Variants in MMRN1 observed in about 807,000 individuals in gnomAD.
The protein encoded by MMRN1 is multimerin-1.
A neutral mutation model predicts 100.7 loss-of-function variants in MMRN1; 94 were observed. That is an observed-to-expected ratio of 0.93 (90% CI 0.79 to 1.11). The LOEUF (loss-of-function observed/expected upper bound fraction) is 1.11, where lower values mean the gene tolerates loss of function less well. Ranked by LOEUF, MMRN1 falls within the 50% of genes least tolerant of loss-of-function variation. MMRN1 has a pLI of 0.00. For synonymous variants in MMRN1, 575 were observed against 505.0 expected, an observed-to-expected ratio of 1.14 and a Z score of -1.86; for missense variants, 1,606 against 1,439.1, an observed-to-expected ratio of 1.12 and a Z score of -1.88.
At chr4:89,933,496 G>A (rs1237224821) in intron 5 of MMRN1, among the ~76,000 whole-genome samples, 2 of 152,106 alleles carry the variant, frequency 1.3e-5, no homozygotes, top group Non-Finnish European at 2.9e-5. Context: ...ATGCAGCTAT[G>A]AAATAGCTGG....
Position 89,936,128 on chromosome 4 carries a change from T to C in MMRN1, c.2448T>C (p.Asn816=), listed in dbSNP as rs1560595233. ...LAGIPRDEKL[N]QSNFQKMYQM... ...GTATTCCCAGAGATGAGAAACTAAA[T>C]CAGTCCAACTTCCAAAAGATGTATC... Residue 816 remains asparagine (N), a synonymous_variant, in exon 6 of 8, where the codon AAT becomes AAC. Transcript: ENST00000264790. 7 of 1,612,600 alleles carry C rather than the reference T, an allele frequency of 4.3e-6. No individual in the cohort carries two copies. The highest frequency in any genetic ancestry group is 5.1e-6 in the Non-Finnish European group (6 of 1,179,586).
At chr4:89,945,168 C>G (rs116188142) in intron 6 of MMRN1, among the ~76,000 whole-genome samples, 2,514 of 152,242 alleles carry the variant, frequency 0.017, 76 homozygotes, top group African/African-American at 0.057. Context: ...GAGATTCATC[C>G]ATGTTCTTGC....
intron 3 of MMRN1, among the ~76,000 whole-genome samples, chr4:89,916,047 C>G (rs1721901912): frequency 6.6e-6 from 1 of 151,636 alleles, no homozygotes; most frequent in Non-Finnish European, 1.5e-5. Flanking sequence ...CAACGAGGCT[C>G]TTTATCACAA....
At position 89,935,775 on chromosome 4, in the gene MMRN1, C is replaced by T. The variant is rs61746242; in HGVS notation, c.2095C>T (p.His699Tyr). 8.6e-4 allele frequency: 1,391 copies of T among 1,612,726 alleles called. 3 individuals are homozygous for T. The highest frequency in any genetic ancestry group is 1.1e-3 in the Non-Finnish European group (1,276 of 1,179,536). The change falls in exon 6 of 8, where the codon CAC (histidine) becomes TAC (tyrosine). Residue 699 changes from histidine (H) to tyrosine (Y), a missense_variant. By Grantham distance (83) the His-to-Tyr change is moderately conservative (BLOSUM62 2). Coordinates refer to ENST00000264790, the MANE Select transcript of MMRN1 (RefSeq NM_007351.3). ...NFIIKELTKRHNLLRNEVQGR... is the reference protein window; with the variant it reads ...NFIIKELTKRYNLLRNEVQGR... ...TATTATCAAAGAACTTACAAAAAGA[C>T]ACAACTTACTTAGAAATGAAGTACA...
rs1560589386 is a variant in MMRN1 at position 89,923,231 on chromosome 4, G to A, written c.914G>A (p.Gly305Glu). The part of the protein sequence containing the change: ...QAESHTAVGR[G>E]VAEQQQQQGC... ...GAAAGTCATACAGCTGTTGGCAGAGGAGTAGCTGAGCAGCAGCAGCAGCAA... is the reference window on the plus strand; with the variant it reads ...GAAAGTCATACAGCTGTTGGCAGAGAAGTAGCTGAGCAGCAGCAGCAGCAA... The change falls in exon 4 of 8, where the codon GGA becomes GAA. Residue 305 changes from glycine to glutamate, a missense_variant. Coordinates refer to ENST00000264790, the MANE Select transcript of MMRN1 (RefSeq NM_007351.3). The A allele has an allele frequency of 2.5e-5, 40 of 1,613,984 alleles. No individual in the cohort carries two copies. Among genetic ancestry groups the A allele is most frequent in the Non-Finnish European group, 3.2e-5 (38 of 1,179,858 alleles).
chr4:89,931,246 TG>T (rs1164133525), intron 5 of MMRN1, among the ~76,000 whole-genome samples: 1 of 152,200 alleles, frequency 6.6e-6, no homozygotes, highest in Non-Finnish European at 1.5e-5. Flanking sequence ...GCTTCGTTTT[TG>T]TACAAAATTG....
chr4:89,940,637 C>A (rs1722794044), intron 6 of MMRN1, among the ~76,000 whole-genome samples: 1 of 151,986 alleles, frequency 6.6e-6, no homozygotes, highest in Admixed American at 6.6e-5. Context: ...TGTAATAAGT[C>A]ATTTATTTTT....
chr4:89,928,538 T>C (rs1722337996), intron 5 of MMRN1, among the ~76,000 whole-genome samples: 1 of 152,182 alleles, frequency 6.6e-6, no homozygotes, highest in Non-Finnish European at 1.5e-5. Context: ...AAGCAGGCTA[T>C]GTTTCTTTCT....
At chr4:89,938,061 G>T (rs75105723) in intron 6 of MMRN1, among the ~76,000 whole-genome samples, 3,435 of 151,748 alleles carry the variant, frequency 0.023, 118 homozygotes, top group African/African-American at 0.077. Context: ...TATGAATTTT[G>T]TACTTTATTT....
chr4:89,910,684 G>A (rs943642698), intron 2 of MMRN1, among the ~76,000 whole-genome samples: 1 of 151,420 alleles, frequency 6.6e-6, no homozygotes, highest in Non-Finnish European at 1.5e-5. Context: ...CTATGAGAGT[G>A]CAGATAGTAT....
intron 6 of MMRN1, among the ~76,000 whole-genome samples, chr4:89,949,986 G>A (rs1306128236): frequency 6.6e-6 from 1 of 152,204 alleles, no homozygotes; most frequent in Non-Finnish European, 1.5e-5. Flanking sequence ...GGTGGCACCA[G>A]AGTAACTGTG....
At chr4:89,899,742 G>C (rs28452793) in intron 1 of MMRN1, among the ~76,000 whole-genome samples, 1 of 151,922 alleles carries the variant, frequency 6.6e-6, no homozygotes, top group Non-Finnish European at 1.5e-5. Flanking sequence ...TAGATCTTTG[G>C]CATTTTTCTC....
intron 3 of MMRN1, among the ~76,000 whole-genome samples, chr4:89,913,285 T>G (rs1721812344): frequency 6.6e-6 from 1 of 151,344 alleles, no homozygotes; most frequent in Non-Finnish European, 1.5e-5. Context: ...ATCATGAGAT[T>G]ATTAATTCCA....
At chr4:89,923,617 C>T (rs890246050) in intron 4 of MMRN1, among the ~76,000 whole-genome samples, 8 of 152,130 alleles carry the variant, frequency 5.3e-5, no homozygotes, top group Non-Finnish European at 1.0e-4. Context: ...GAAGGAACAA[C>T]TTATTCTTTT....
At chr4:89,908,140 C>T (rs1265974480) in intron 1 of MMRN1, among the ~76,000 whole-genome samples, 2 of 151,270 alleles carry the variant, frequency 1.3e-5, no homozygotes, top group African/African-American at 4.8e-5. Flanking sequence ...TTTCTGGAAT[C>T]CATCCTTCTG....
intron 1 of MMRN1, among the ~76,000 whole-genome samples, chr4:89,889,131 C>T (rs1461347764): frequency 6.6e-6 from 1 of 152,038 alleles, no homozygotes; most frequent in African/African-American, 2.4e-5. Flanking sequence ...CTAATATAAA[C>T]CAAAATTGTT....
At chr4:89,945,235 T>A (rs1228150316) in intron 6 of MMRN1, among the ~76,000 whole-genome samples, 1 of 152,216 alleles carries the variant, frequency 6.6e-6, no homozygotes, top group Non-Finnish European at 1.5e-5. Context: ...TTTCTTTATC[T>A]ATTTACCAGT....
intron 1 of MMRN1, among the ~76,000 whole-genome samples, chr4:89,908,172 C>G (rs745661642): frequency 3.3e-5 from 5 of 151,168 alleles, no homozygotes; most frequent in African/African-American, 4.8e-5. Context: ...GAAAATTGTT[C>G]CCAGGCACAA....
At chr4:89,911,682 C>A (rs144355454) in intron 2 of MMRN1, among the ~76,000 whole-genome samples, 1 of 151,244 alleles carries the variant, frequency 6.6e-6, no homozygotes, top group East Asian at 1.9e-4. Context: ...AAGAGAAAAG[C>A]TATAATATCT....
Sources: gnomAD v4.1 joint callset for allele counts (sites outside exome capture counted in the v4.1 genomes callset) on GRCh38, gnomAD v4.1.1 for gene constraint, MANE v1.5 for transcripts, NCBI Gene and HGNC (gene_info 2026-07-23, HGNC 2026-07-21) for gene names.